The following EDC3 variants were observed in gnomAD, a reference collection of about 807,000 sequenced individuals.
The protein encoded by EDC3 is enhancer of mRNA decapping 3.
EDC3 carries 20 observed loss-of-function variants against 41.8 expected under a neutral mutation model. The observed-to-expected ratio is 0.48, with a 90% CI of 0.34 to 0.70. EDC3 has a LOEUF of 0.70. Among genes scored for constraint, EDC3 ranks in the 30% least tolerant of loss-of-function variants. The pLI, the probability that EDC3 is intolerant of heterozygous loss-of-function variation, is 0.01. For missense variants in EDC3, 444 were observed against 636.8 expected (o/e 0.70, Z 3.26); for synonymous variants, 206 against 243.2 (o/e 0.85, Z 1.42).
chr15:74,662,252 A>G (rs2062628787), intron 3 of EDC3, among the ~76,000 whole-genome samples: 2 of 152,104 alleles, frequency 1.3e-5, no homozygotes, highest in African/African-American at 4.8e-5. Context: ...CTTATGCTAC[A>G]TTACCTACTT....
chr15:74,657,172 TA>T (rs879796790), intron 3 of EDC3, among the ~76,000 whole-genome samples: 1 of 152,234 alleles, frequency 6.6e-6, no homozygotes, highest in Non-Finnish European at 1.5e-5. Context: ...ACTGAGCTGT[TA>T]ACACTTAAGC....
chr15:74,653,503 G>A (rs898496564), intron 4 of EDC3, among the ~76,000 whole-genome samples: 2 of 152,144 alleles, frequency 1.3e-5, no homozygotes, highest in Non-Finnish European at 2.9e-5. Context: ...TCTATTTCCA[G>A]CACAGACGCT....
intron 3 of EDC3, among the ~76,000 whole-genome samples, chr15:74,668,882 G>C (rs1332405903): frequency 6.6e-6 from 1 of 152,168 alleles, no homozygotes; most frequent in Non-Finnish European, 1.5e-5. Flanking sequence ...CGTCATTTCA[G>C]ATAGTTGTTT....
In EDC3 at chr15:74,631,462, G is replaced by C. The variant is rs1312889977; in HGVS notation, c.*1150C>G. On this transcript the variant is annotated 3_prime_UTR_variant, in exon 7 of 7. Coordinates refer to ENST00000315127, the MANE Select transcript of EDC3 (RefSeq NM_025083.5). ...CTATGGTTGGAACCCACACCAGCTAGCTCATCCAGAACTAGCCTCATTTTG... is the reference window on the plus strand; with the variant it reads ...CTATGGTTGGAACCCACACCAGCTACCTCATCCAGAACTAGCCTCATTTTG... 1 of 152,282 alleles carries C rather than the reference G, an allele frequency of 6.6e-6. No homozygotes were observed. The highest frequency in any genetic ancestry group is 2.4e-5 in the African/African-American group (1 of 41,460). 9.4% of individuals were successfully genotyped at this position (152,282 alleles called of 1,614,324 possible). A position where few individuals can be genotyped will look rare whatever the true frequency, so the allele number is the denominator to read the frequency against.
At chr15:74,644,489 C>A (rs539785710) in intron 4 of EDC3, 13 of 152,210 alleles carry the variant, frequency 8.5e-5, no homozygotes, top group African/African-American at 2.6e-4. Context: ...GGGAGGGGAA[C>A]ATCACACACC....
chr15:74,656,980 C>T (rs1168517162), intron 3 of EDC3, among the ~76,000 whole-genome samples: 1 of 152,246 alleles, frequency 6.6e-6, no homozygotes. Flanking sequence ...TGACTGTCCC[C>T]TTTTCAGCTC....
At chr15:74,661,892 C>CAGATAATGCACG (rs138381858) in intron 3 of EDC3, among the ~76,000 whole-genome samples, 3,621 of 151,884 alleles carry the variant, frequency 0.024, 145 homozygotes, top group African/African-American at 0.083. Flanking sequence ...ATGTTCATAC[C>CAGATAATGCACG]AAATATGCAG....
rs549158941 is a variant in EDC3, at chr15:74,680,995, A to C, written c.-18-5853T>G. 2.7e-3 allele frequency among the ~76,000 whole-genome samples: 406 copies of C among 152,304 alleles called. 2 individuals carry two copies. The highest frequency in any genetic ancestry group is 2.7e-3 in the Admixed American group (41 of 15,284). On this transcript the variant is annotated intron_variant, in intron 1 of 6. Coordinates refer to ENST00000315127, the MANE Select transcript of EDC3 (RefSeq NM_025083.5). ...CAAAATGCTAAATATAACAGATATAACATGTTCATGGATTAAAAGACTCGA... is the reference window on the plus strand; with the variant it reads ...CAAAATGCTAAATATAACAGATATACCATGTTCATGGATTAAAAGACTCGA...
chr15:74,635,636 A>C lies in EDC3; in HGVS notation c.975-10T>G, dbSNP rs1333556603. ...ATTTTTGGGATTCAACCTGGAAAAG[A>C]AGGTGAAGAAGCAGTATCAGCTACA... On this transcript the variant is annotated splice_polypyrimidine_tract_variant and intron_variant, in intron 5 of 6. Transcript: ENST00000315127. The C allele has an allele frequency of 6.2e-7, 1 of 1,610,996 alleles. No individual in the cohort carries two copies.
At chr15:74,687,344 A>C (rs915492369) in intron 1 of EDC3, among the ~76,000 whole-genome samples, 2 of 152,186 alleles carry the variant, frequency 1.3e-5, no homozygotes, top group African/African-American at 4.8e-5. Context: ...AAGAACAATG[A>C]ATTAGCAGGC....
At chr15:74,668,961 T>G (rs1271134804) in intron 3 of EDC3, among the ~76,000 whole-genome samples, 1 of 152,042 alleles carries the variant, frequency 6.6e-6, no homozygotes, top group Non-Finnish European at 1.5e-5. Flanking sequence ...TTAGGCCAGG[T>G]GCAGTGGCTC....
intron 1 of EDC3, among the ~76,000 whole-genome samples, chr15:74,686,771 C>T (rs1363506636): frequency 6.6e-6 from 1 of 152,094 alleles, no homozygotes; most frequent in Non-Finnish European, 1.5e-5. Context: ...AAGAGCAAGA[C>T]TTTGTCTCAA....
intron 1 of EDC3, among the ~76,000 whole-genome samples, chr15:74,676,535 A>C (rs576090063): frequency 2.0e-4 from 30 of 152,314 alleles, no homozygotes; most frequent in African/African-American, 7.0e-4. Flanking sequence ...GAGACATCAT[A>C]GACATTAAAA....
intron 4 of EDC3, 77 bp from the exon 5 acceptor site, chr15:74,640,696 T>C: frequency 1.3e-6 from 2 of 1,562,938 alleles, no homozygotes; most frequent in Middle Eastern, 1.7e-4. Flanking sequence ...CTATCCAAGA[T>C]TCTGCAAATG....
intron 4 of EDC3, chr15:74,644,420 T>G (rs2062389175): frequency 2.0e-5 from 3 of 152,148 alleles, no homozygotes. Context: ...CTTCATTGCA[T>G]TCAATACATC....
intron 3 of EDC3, among the ~76,000 whole-genome samples, chr15:74,665,344 G>A (rs1037885799): frequency 2.6e-5 from 4 of 152,134 alleles, no homozygotes; most frequent in Admixed American, 1.3e-4. Flanking sequence ...CTACTTTCAT[G>A]TTCTACAGGC....
chr15:74,658,246 G>C (rs754057815), intron 3 of EDC3, among the ~76,000 whole-genome samples: 12 of 152,060 alleles, frequency 7.9e-5, no homozygotes, highest in African/African-American at 2.7e-4. Flanking sequence ...CTCAAGTCAC[G>C]GTTAGAATGA....
intron 1 of EDC3, among the ~76,000 whole-genome samples, chr15:74,692,003 T>C (rs561013216): frequency 6.6e-6 from 1 of 152,198 alleles, no homozygotes; most frequent in East Asian, 1.9e-4. Context: ...TATTTTTTAG[T>C]AGAGGCGGGG....
At position 74,673,754 on chromosome 15, in the gene EDC3, G is replaced by A. The variant is rs376005165; in HGVS notation, c.164+1207C>T. ...ACTCGGGAGGCTGAGGCAGGAGAAT[G>A]GCATGAACCCGGGAGATGGAGTTTG... On this transcript the variant is annotated intron_variant, in intron 2 of 6. Transcript: ENST00000315127. Among the ~76,000 whole-genome samples the A allele has an allele frequency of 3.3e-5, 5 of 151,730 alleles. No individual in the cohort carries two copies. The South Asian group carries it at 6.2e-4, about 19-fold the overall frequency.
Sources: allele counts gnomAD v4.1 joint callset (sites outside exome capture counted in the v4.1 genomes callset), GRCh38; gene constraint gnomAD v4.1.1; transcripts MANE v1.5; gene names NCBI Gene and HGNC (gene_info 2026-07-23, HGNC 2026-07-21).